SNPH: variants seen among roughly 807,000 people sequenced by gnomAD.
The protein encoded by SNPH is syntaphilin.
Under a neutral mutation model 36.8 loss-of-function variants are expected in SNPH, and 10 were observed. The observed-to-expected ratio is 0.27, with a 90% CI of 0.17 to 0.46. The LOEUF is 0.46. Ranked by LOEUF, SNPH falls within the 20% of genes least tolerant of loss-of-function variation. The pLI is 1.00. For missense variants in SNPH, 622 were observed against 744.0 expected (o/e 0.84, Z 1.91); for synonymous variants, 281 against 312.2 (o/e 0.90, Z 1.05).
Position 1,266,714 on chromosome 20 carries a change from C to T in SNPH, c.-539C>T. 1.4e-6 allele frequency: 2 copies of T among 1,422,310 alleles called. No homozygotes were observed. The highest frequency in any genetic ancestry group is 9.1e-7 in the Non-Finnish European group (1 of 1,094,182). 88.1% of individuals were successfully genotyped at this position (1,422,310 alleles called of 1,614,324 possible). Reference sequence around the variant, plus strand: ...TGCAGAGGCGCTGCGCCAAGCCGGGCCGGAGTGGTGCGAGCCGGCGGGGCT... The same window carrying T: ...TGCAGAGGCGCTGCGCCAAGCCGGGTCGGAGTGGTGCGAGCCGGCGGGGCT... On this transcript the variant is annotated 5_prime_UTR_variant, in exon 2 of 7. Transcript: ENST00000381867. The surrounding 1 kb of genome is among the most constrained non-coding windows in gnomAD (Gnocchi z 6.0).
chr20:1,273,096 C>T (rs972855794), intron 2 of SNPH, among the ~76,000 whole-genome samples: 4 of 152,140 alleles, frequency 2.6e-5, no homozygotes, highest in Non-Finnish European at 4.4e-5. Flanking sequence ...TTGGAAGCCA[C>T]GCCGGCCTTG....
chr20:1,296,907 C>T (rs752251282), intron 4 of SNPH: 9 of 316,230 alleles, frequency 2.8e-5, no homozygotes, highest in African/African-American at 1.3e-4. Context: ...GCAGCCCTGC[C>T]GGCCCCCATT....
At chr20:1,289,357 G>C (rs1568544768) in intron 2 of SNPH, among the ~76,000 whole-genome samples, 2 of 152,130 alleles carry the variant, frequency 1.3e-5, no homozygotes, top group Non-Finnish European at 2.9e-5. Flanking sequence ...CCAAAGTCTA[G>C]GGAAGCATCC....
At chr20:1,281,950 C>A (rs1006435302) in intron 2 of SNPH, among the ~76,000 whole-genome samples, 10 of 152,358 alleles carry the variant, frequency 6.6e-5, no homozygotes, top group Admixed American at 2.0e-4. Flanking sequence ...CCTGCATTGC[C>A]ATGGGGCAGA....
chr20:1,296,275 G>A lies in SNPH; in HGVS notation c.36G>A (p.Trp12Ter). The part of the protein sequence containing the change: ...PGSGPSERMT[W>*]PGPALSAGPP... Reference sequence around the variant, plus strand: ...GCGGCCCCAGCGAGAGGATGACGTGGCCTGGCCCGGCCCTTTCTGCGGGCC... The same window carrying A: ...GCGGCCCCAGCGAGAGGATGACGTGACCTGGCCCGGCCCTTTCTGCGGGCC... Residue 12 changes from tryptophan to a stop codon, truncating the protein, a stop_gained, in exon 4 of 7, where the codon TGG (tryptophan) becomes TGA (stop). Coordinates refer to ENST00000381867, the MANE Select transcript of SNPH (RefSeq NM_001318234.2). LOFTEE classifies it high-confidence loss of function. The A allele has an allele frequency of 6.4e-7, 1 of 1,561,280 alleles. No individual in the cohort carries two copies. The highest frequency in any genetic ancestry group is 8.7e-7 in the Non-Finnish European group (1 of 1,155,240).
intron 2 of SNPH, among the ~76,000 whole-genome samples, chr20:1,274,219 C>T (rs1274783564): frequency 3.3e-5 from 5 of 152,038 alleles, no homozygotes; most frequent in Admixed American, 3.3e-4. Flanking sequence ...TAGCAGTTTT[C>T]AGGGGTAAAG....
In SNPH at chr20:1,306,326, C is replaced by A; in HGVS notation, c.*272C>A. 1 of 374,600 alleles carries A rather than the reference C, an allele frequency of 2.7e-6. No individual in the cohort carries two copies. Among genetic ancestry groups the A allele is most frequent in the Non-Finnish European group, 4.7e-6 (1 of 211,160 alleles). 23.2% of individuals were successfully genotyped at this position (374,600 alleles called of 1,614,324 possible). On this transcript the variant is annotated 3_prime_UTR_variant, in exon 7 of 7. Transcript: ENST00000381867. ...GGGAGGGGAGGGAGCGAGGGCCAAC[C>A]CGGCCCCTCTGTCCCCTTGGCTCTT...
chr20:1,299,098 GC>G (rs2088475280), intron 5 of SNPH, among the ~76,000 whole-genome samples: 1 of 151,970 alleles, frequency 6.6e-6, no homozygotes, highest in African/African-American at 2.4e-5. Flanking sequence ...TGACCTAGGG[GC>G]CATGACGTGA....
chr20:1,306,818 G>A lies in SNPH; in HGVS notation c.*764G>A, dbSNP rs117202877. 9.0e-3 allele frequency: 1,374 copies of A among 152,514 alleles called. 25 individuals carry two copies. The highest frequency in any genetic ancestry group is 0.054 in the South Asian group (259 of 4,838). 9.4% of individuals were successfully genotyped at this position (152,514 alleles called of 1,614,324 possible). The stretch of plus-strand genomic sequence containing the variant: ...TTATTCCTGTGAGGTAGCTAAGCCC[G>A]GCAAGCTCAGTGCTGGGGTAGGAGG... On this transcript the variant is annotated 3_prime_UTR_variant, in exon 7 of 7. Coordinates refer to ENST00000381867, the MANE Select transcript of SNPH (RefSeq NM_001318234.2).
In SNPH at chr20:1,293,545, G is replaced by A. The variant is rs371610136; in HGVS notation, c.-492-1406G>A. ...CTGCCTCCTTGCTAGGGCCTAGAAG[G>A]GAGGGAGGACCTGAGAGAGCACAGG... On this transcript the variant is annotated intron_variant, in intron 2 of 6. Coordinates refer to ENST00000381867, the MANE Select transcript of SNPH (RefSeq NM_001318234.2). 1.7e-4 allele frequency among the ~76,000 whole-genome samples: 26 copies of A among 152,248 alleles called. No homozygotes were observed. In the East Asian group the frequency reaches 3.7e-3, roughly 22 times the overall value.
chr20:1,266,659 T>A lies in SNPH; in HGVS notation c.-594T>A. On this transcript the variant is annotated 5_prime_UTR_variant, in exon 2 of 7. It removes the in-frame stop codon of an upstream open reading frame in the 5' UTR. Transcript: ENST00000381867. The surrounding 1 kb of genome is among the most constrained non-coding windows in gnomAD (Gnocchi z 6.0). ...TCTTTTTCCTAACCCCGCAGGTCGC[T>A]GATCAGGGCCAGGCGGCTGCAGCAG... is the stretch of plus-strand genomic sequence containing the variant. 6.7e-7 allele frequency: 1 copy of A among 1,488,974 alleles called. No individual in the cohort carries two copies. The highest frequency in any genetic ancestry group is 8.9e-7 in the Non-Finnish European group (1 of 1,122,052). The allele number at this position is 1,488,974 out of a possible 1,614,324, so 92.2% of individuals were successfully genotyped here.
In SNPH at chr20:1,277,211, C is replaced by T. The variant is rs59587945; in HGVS notation, c.-493+10451C>T. ...ATTGTTTGATTTGTCTCTGAACCCC[C>T]GTACCCAGCACAAACCAGGTACACA... On this transcript the variant is annotated intron_variant, in intron 2 of 6. Coordinates refer to ENST00000381867, the MANE Select transcript of SNPH (RefSeq NM_001318234.2). Among the ~76,000 whole-genome samples the T allele has an allele frequency of 8.8e-3, 1,335 of 152,260 alleles. 19 individuals are homozygous for T. The highest frequency in any genetic ancestry group is 0.03 in the African/African-American group (1,244 of 41,532).
intron 2 of SNPH, among the ~76,000 whole-genome samples, chr20:1,289,176 C>A (rs948852937): frequency 9.9e-5 from 15 of 152,152 alleles, no homozygotes; most frequent in African/African-American, 3.4e-4. Context: ...AATCCAGGGT[C>A]CAGCCCTTGG....
intron 2 of SNPH, among the ~76,000 whole-genome samples, chr20:1,286,751 G>T (rs2122332025): frequency 6.6e-6 from 1 of 152,306 alleles, no homozygotes; most frequent in African/African-American, 2.4e-5. Context: ...GAGAATGCAA[G>T]TGCAAGAGAC....
chr20:1,300,368 T>C (rs2088490588), intron 5 of SNPH, among the ~76,000 whole-genome samples, 194 bp from the exon 6 acceptor site: 2 of 152,206 alleles, frequency 1.3e-5, no homozygotes, highest in South Asian at 4.1e-4. Flanking sequence ...CATGATGGTC[T>C]TCACTTAGAG....
chr20:1,276,047 G>A lies in SNPH; in HGVS notation c.-493+9287G>A, dbSNP rs138970820. Among the ~76,000 whole-genome samples, 152 of 152,302 alleles carry A rather than the reference G, an allele frequency of 1.0e-3. 1 individual carries two copies. The highest frequency in any genetic ancestry group is 3.5e-3 in the African/African-American group (146 of 41,566). ...ACAGAGCCCAGGCTCTTAGTCACCA[G>A]CCTAAGCTCTGTGCTCTCAGAGGAT... On this transcript the variant is annotated intron_variant, in intron 2 of 6. Coordinates refer to ENST00000381867, the MANE Select transcript of SNPH (RefSeq NM_001318234.2). The surrounding 1 kb of genome is among the most constrained non-coding windows in gnomAD (Gnocchi z 4.6).
chr20:1,283,942 C>T (rs1363028279), intron 2 of SNPH, among the ~76,000 whole-genome samples: 1 of 152,210 alleles, frequency 6.6e-6, no homozygotes, highest in Admixed American at 6.5e-5. Flanking sequence ...AATCCTATCC[C>T]AGCTGTGACA....
intron 2 of SNPH, among the ~76,000 whole-genome samples, chr20:1,279,703 C>G (rs1283170259): frequency 2.0e-5 from 3 of 150,948 alleles, no homozygotes; most frequent in Non-Finnish European, 2.9e-5. Context: ...TCACAGCTCA[C>G]TGCAACCTCC....
Position 1,305,580 on chromosome 20 carries a change from C to G in SNPH, c.1143C>G (p.Val381=), listed in dbSNP as rs370753906. 2 of 1,613,540 alleles carry G rather than the reference C, an allele frequency of 1.2e-6. No homozygotes were observed. Among genetic ancestry groups the G allele is most frequent in the Non-Finnish European group, 1.7e-6 (2 of 1,180,034 alleles). Residue 381 remains valine (V), a synonymous_variant, in exon 7 of 7, where the codon GTC becomes GTG. Coordinates refer to ENST00000381867, the MANE Select transcript of SNPH (RefSeq NM_001318234.2). ...TILEKVTQAQ[V]CGTDPESGDR... is the part of the protein sequence containing the mutation. ...TGGAGAAAGTGACCCAGGCCCAGGT[C>G]TGTGGGACAGACCCTGAGTCAGGGG...
Sources: allele counts gnomAD v4.1 joint callset (sites outside exome capture counted in the v4.1 genomes callset), GRCh38; gene constraint gnomAD v4.1.1; non-coding constraint Gnocchi (gnomAD v3.1); transcripts MANE v1.5; gene names NCBI Gene and HGNC (gene_info 2026-07-23, HGNC 2026-07-21).